The following TBL1XR1 variants were observed in gnomAD, a reference collection of about 807,000 sequenced individuals.
TBL1XR1 encodes the protein F-box-like/WD repeat-containing protein TBL1XR1.
TBL1XR1 carries 5 observed loss-of-function variants against 66.9 expected under a neutral mutation model. The ratio of observed to expected loss-of-function variants is 0.07; its 90% CI spans 0.04 to 0.16. The LOEUF is 0.16. Among genes scored for constraint, TBL1XR1 ranks in the 10% least tolerant of loss-of-function variants. The probability of loss-of-function intolerance (pLI) is 1.00; values close to 1 mark genes in which losing one functional copy is unlikely to be tolerated. For synonymous variants in TBL1XR1, 210 were observed against 206.0 expected (o/e 1.02, Z -0.17); for missense variants, 238 against 623.2 (o/e 0.38, Z 6.58).
At chr3:177,068,775 T>C (rs1719489230) in intron 2 of TBL1XR1, among the ~76,000 whole-genome samples, 1 of 152,096 alleles carries the variant, frequency 6.6e-6, no homozygotes, top group Non-Finnish European at 1.5e-5. Flanking sequence ...ATTTTAAATC[T>C]AGATGACTGA....
intron 1 of TBL1XR1, among the ~76,000 whole-genome samples, chr3:177,149,240 TAGTATTTAGTGTTC>T (rs1730606773): frequency 1.3e-5 from 2 of 152,246 alleles, no homozygotes; most frequent in East Asian, 3.9e-4. Flanking sequence ...ACTGAGTGTC[TAGTATTTAGTGTTC>T]AGTATCCCTG....
At chr3:177,054,339 T>A (rs1717536250) in intron 3 of TBL1XR1, among the ~76,000 whole-genome samples, 1 of 152,178 alleles carries the variant, frequency 6.6e-6, no homozygotes, top group Non-Finnish European at 1.5e-5. Context: ...ATTTTAATAT[T>A]TTTTACATCT....
rs918581405 is a variant in TBL1XR1 at position 177,153,630 on chromosome 3, G to A, written c.-122+43491C>T. 1.1e-4 allele frequency among the ~76,000 whole-genome samples: 16 copies of A among 152,212 alleles called. No homozygotes were observed. In the East Asian group the frequency reaches 1.5e-3, roughly 15 times the overall value. ...AGGCCAGGCGCGGTGGCTCACGACC[G>A]TAATCCCAGCACTTTGGGAGGCCGG... On this transcript the variant is annotated intron_variant, in intron 1 of 15. Transcript: ENST00000457928.
At chr3:177,162,279 G>C (rs1732309148) in intron 1 of TBL1XR1, among the ~76,000 whole-genome samples, 1 of 152,192 alleles carries the variant, frequency 6.6e-6, no homozygotes, top group Non-Finnish European at 1.5e-5. Context: ...ATGAAGCACA[G>C]ATTTACATGA....
chr3:177,033,323 T>C (rs1224098673), intron 13 of TBL1XR1, among the ~76,000 whole-genome samples, 187 bp from the exon 14 acceptor site: 1 of 151,938 alleles, frequency 6.6e-6, no homozygotes, highest in African/African-American at 2.4e-5. Flanking sequence ...AATAAATAAA[T>C]GAAATTTAGA....
At chr3:177,079,801 A>AT (rs1577101092) in intron 2 of TBL1XR1, 1 of 150,424 alleles carries the variant, frequency 6.6e-6, no homozygotes, top group African/African-American at 2.5e-5. Context: ...TTATGTGTTC[A>AT]TTTAAAAAAA....
intron 3 of TBL1XR1, among the ~76,000 whole-genome samples, chr3:177,055,379 T>C (rs1024178548): frequency 7.2e-5 from 11 of 152,086 alleles, no homozygotes; most frequent in South Asian, 2.1e-4. Context: ...CCTAACTCAT[T>C]ATGCTCACAA....
chr3:177,034,132 G>T lies in TBL1XR1; in HGVS notation c.1250+66C>A, dbSNP rs1714420227. ...TTCATGAAATCTTCCCTAAACTTCT[G>T]TCATATCTATTGGAAGTCTGATTTG... On this transcript the variant is annotated intron_variant, in intron 13 of 15. Transcript: ENST00000457928. 2.1e-6 allele frequency: 3 copies of T among 1,456,404 alleles called. No homozygotes were observed. In the Admixed American group the frequency reaches 7.3e-5, roughly 36 times the overall value. The allele number at this position is 1,456,404 out of a possible 1,614,324, so 90.2% of individuals were successfully genotyped here. A position where few individuals can be genotyped will look rare whatever the true frequency, so the allele number is the denominator to read the frequency against.
chr3:177,145,487 A>G (rs1730139873), intron 1 of TBL1XR1, among the ~76,000 whole-genome samples: 1 of 152,086 alleles, frequency 6.6e-6, no homozygotes, highest in Admixed American at 6.6e-5. Flanking sequence ...AAGTTCGCAG[A>G]CCCTCTAGAA....
intron 1 of TBL1XR1, among the ~76,000 whole-genome samples, chr3:177,144,407 A>G (rs1729993022): frequency 6.6e-6 from 1 of 152,198 alleles, no homozygotes; most frequent in African/African-American, 2.4e-5. Context: ...TAATTCTTCC[A>G]AGGCCAAAGG....
chr3:177,100,428 C>CTT (rs879594412), intron 1 of TBL1XR1, among the ~76,000 whole-genome samples: 1 of 146,188 alleles, frequency 6.8e-6, no homozygotes, highest in African/African-American at 2.5e-5. Context: ...GAATAATGTA[C>CTT]TTTTTTTTTT....
intron 1 of TBL1XR1, among the ~76,000 whole-genome samples, chr3:177,142,487 G>T (rs553095848): frequency 9.9e-5 from 15 of 152,134 alleles, no homozygotes; most frequent in Admixed American, 2.6e-4. Context: ...CATGACACTG[G>T]TGGGCATGTC....
intron 1 of TBL1XR1, among the ~76,000 whole-genome samples, chr3:177,163,649 C>G (rs190493016): frequency 6.6e-6 from 1 of 152,026 alleles, no homozygotes. Context: ...GTAAAGTATA[C>G]ACTTAATTAC....
chr3:177,133,225 T>C (rs1251728669), intron 1 of TBL1XR1, among the ~76,000 whole-genome samples: 1 of 152,140 alleles, frequency 6.6e-6, no homozygotes, highest in Non-Finnish European at 1.5e-5. Context: ...AGGCAGAGGC[T>C]GCAGTGAGCT....
At chr3:177,085,987 C>T (rs1005378411) in intron 2 of TBL1XR1, among the ~76,000 whole-genome samples, 20 of 152,158 alleles carry the variant, frequency 1.3e-4, no homozygotes, top group Middle Eastern at 6.8e-3. Context: ...CTTCTCTAAA[C>T]ATTAGTTCTT....
chr3:177,120,726 C>G (rs2141598), intron 1 of TBL1XR1: 137,812 of 152,194 alleles, frequency 0.91, 62,502 homozygotes, highest in East Asian at 0.95. Context: ...AAAAGGGGGG[C>G]AACAGAATAG....
chr3:177,137,146 CTGATTAA>C (rs2108806887), intron 1 of TBL1XR1, among the ~76,000 whole-genome samples: 1 of 152,274 alleles, frequency 6.6e-6, no homozygotes, highest in East Asian at 1.9e-4. Context: ...GGAAAGATGA[CTGATTAA>C]TTCTTCTAAG....
At chr3:177,046,673 A>G (rs1716366820) in intron 9 of TBL1XR1, among the ~76,000 whole-genome samples, 1 of 152,280 alleles carries the variant, frequency 6.6e-6, no homozygotes, top group Admixed American at 6.5e-5. Flanking sequence ...AACAGGACTC[A>G]GTCTCTCTCC....
chr3:177,119,370 TGTCATAAAATATG>T lies in TBL1XR1; in HGVS notation c.-121-20842_-121-20830del, dbSNP rs1021483291. Among the ~76,000 whole-genome samples the T allele has an allele frequency of 3.1e-4, 47 of 152,286 alleles. 1 individual carries two copies. Among genetic ancestry groups the T allele is most frequent in the South Asian group, 1.9e-3 (9 of 4,818 alleles). ...TGATCCTGGAACCTTTTCCACAACT[TGTCATAAAATATG>T]GTCCCATCTCTTTTATTTTTCCAAT... is the stretch of plus-strand genomic sequence containing the variant. On this transcript the variant is annotated intron_variant, in intron 1 of 15. Coordinates refer to ENST00000457928, the MANE Select transcript of TBL1XR1 (RefSeq NM_024665.7).
Sources: allele counts gnomAD v4.1 joint callset (sites outside exome capture counted in the v4.1 genomes callset), GRCh38; gene constraint gnomAD v4.1.1; transcripts MANE v1.5; gene names NCBI Gene and HGNC (gene_info 2026-07-23, HGNC 2026-07-21).